Variants in GNB1 observed in about 807,000 individuals in gnomAD.
GNB1 encodes guanine nucleotide-binding protein G(I)/G(S)/G(T) subunit beta-1.
In GNB1, 2 loss-of-function variants were observed where a neutral mutation model predicts 42.9. That is an observed-to-expected ratio of 0.05 (90% CI 0.02 to 0.15). GNB1 has a LOEUF of 0.15. Among genes scored for constraint, GNB1 ranks in the 10% least tolerant of loss-of-function variants. The probability of loss-of-function intolerance (pLI) is 1.00; values close to 1 mark genes in which losing one functional copy is unlikely to be tolerated. For missense variants in GNB1, 193 were observed against 462.2 expected (o/e 0.42, Z 5.34); for synonymous variants, 183 against 174.7 (o/e 1.05, Z -0.38).
intron 1 of GNB1, among the ~76,000 whole-genome samples, chr1:1,863,651 C>G (rs962960454): frequency 3.3e-5 from 5 of 152,190 alleles, no homozygotes; most frequent in African/African-American, 1.2e-4. Flanking sequence ...CACTCTTCAT[C>G]CACAAATAGC....
chr1:1,871,502 C>T (rs1274981074), intron 1 of GNB1, among the ~76,000 whole-genome samples: 1 of 152,056 alleles, frequency 6.6e-6, no homozygotes, highest in Non-Finnish European at 1.5e-5. Context: ...CAACTGCACC[C>T]TACACTGTCA....
At chr1:1,855,275 C>T (rs1321995973) in intron 1 of GNB1, among the ~76,000 whole-genome samples, 4 of 146,964 alleles carry the variant, frequency 2.7e-5, no homozygotes, top group South Asian at 4.3e-4. Context: ...GAGCTGAGAT[C>T]GCCCCCACTG....
Position 1,860,470 on chromosome 1 carries a change from C to A in GNB1, c.-95-21232G>T, listed in dbSNP as rs921569189. On this transcript the variant is annotated intron_variant, in intron 1 of 11. Transcript: ENST00000378609. Reference sequence around the variant, plus strand: ...TAGTCAAAAAATAAATAAATAAAAACAAACAAACAAAAAAAAATTAGCCAG... The same window carrying A: ...TAGTCAAAAAATAAATAAATAAAAAAAAACAAACAAAAAAAAATTAGCCAG... 6.6e-5 allele frequency among the ~76,000 whole-genome samples: 10 copies of A among 151,788 alleles called. No homozygotes were observed. In the East Asian group the frequency reaches 7.7e-4, roughly 12 times the overall value.
chr1:1,843,251 C>T (rs1369565911), intron 1 of GNB1, among the ~76,000 whole-genome samples: 1 of 152,020 alleles, frequency 6.6e-6, no homozygotes, highest in Non-Finnish European at 1.5e-5. Flanking sequence ...ACAGGGTCAC[C>T]CTCTGTCAGC....
intron 4 of GNB1, among the ~76,000 whole-genome samples, chr1:1,816,644 C>CTTT (rs59065707): frequency 3.7e-5 from 4 of 108,636 alleles, no homozygotes; most frequent in African/African-American, 9.7e-5. Context: ...TTTTTATTAT[C>CTTT]TTTTTTTTTT....
In GNB1 at chr1:1,858,769, G is replaced by A. The variant is rs576899522; in HGVS notation, c.-95-19531C>T. Among the ~76,000 whole-genome samples, 4 of 152,334 alleles carry A rather than the reference G, an allele frequency of 2.6e-5. No individual in the cohort carries two copies. The East Asian group carries it at 7.7e-4, about 29-fold the overall frequency. On this transcript the variant is annotated intron_variant, in intron 1 of 11. Coordinates refer to ENST00000378609, the MANE Select transcript of GNB1 (RefSeq NM_002074.5). ...CTGGACACCAAGGGAGCCACAGCTCGAGGGGGTTCGTGCTCCAACAGCAGA... is the reference window on the plus strand; with the variant it reads ...CTGGACACCAAGGGAGCCACAGCTCAAGGGGGTTCGTGCTCCAACAGCAGA...
intron 1 of GNB1, among the ~76,000 whole-genome samples, chr1:1,859,241 C>T (rs750048905): frequency 3.9e-5 from 6 of 152,100 alleles, no homozygotes; most frequent in East Asian, 3.9e-4. Context: ...AGGCTGGTCT[C>T]GAATTCCTGA....
chr1:1,831,276 G>A (rs978889416), intron 2 of GNB1, among the ~76,000 whole-genome samples: 1 of 152,082 alleles, frequency 6.6e-6, no homozygotes, highest in African/African-American at 2.4e-5. Context: ...GTTCAAGGCT[G>A]CAGTGAGCTA....
intron 1 of GNB1, among the ~76,000 whole-genome samples, chr1:1,868,798 A>G (rs1649086133): frequency 6.6e-6 from 1 of 151,768 alleles, no homozygotes; most frequent in Admixed American, 6.6e-5. Flanking sequence ...AAAAAAGTGA[A>G]AAAGTTTTAG....
At chr1:1,866,274 C>T (rs368743354) in intron 1 of GNB1, among the ~76,000 whole-genome samples, 7 of 152,348 alleles carry the variant, frequency 4.6e-5, no homozygotes, top group African/African-American at 1.7e-4. Flanking sequence ...TGTTCCTTTC[C>T]TCCATTCACC....
At chr1:1,863,295 T>C (rs952170872) in intron 1 of GNB1, among the ~76,000 whole-genome samples, 1 of 152,092 alleles carries the variant, frequency 6.6e-6, no homozygotes, top group Admixed American at 6.6e-5. Flanking sequence ...AAAGAAAGTA[T>C]GTGACAACAC....
intron 1 of GNB1, among the ~76,000 whole-genome samples, chr1:1,865,315 T>A (rs372323984): frequency 8.1e-6 from 1 of 123,556 alleles, no homozygotes; most frequent in Non-Finnish European, 1.7e-5. Flanking sequence ...GGCAACACAT[T>A]GTGGCTCATG....
chr1:1,846,155 G>A (rs1169227957), intron 1 of GNB1, among the ~76,000 whole-genome samples: 1 of 151,750 alleles, frequency 6.6e-6, no homozygotes, highest in African/African-American at 2.4e-5. Flanking sequence ...AATGGTAATG[G>A]AATATACCTT....
intron 9 of GNB1, 113 bp from the exon 10 acceptor site, chr1:1,789,382 G>A (rs1646450255): frequency 2.9e-6 from 2 of 678,492 alleles, no homozygotes; most frequent in African/African-American, 3.5e-5. Context: ...AGACCAGCAA[G>A]ACTGTGCTCT....
chr1:1,874,043 T>C (rs1296218690), intron 1 of GNB1, among the ~76,000 whole-genome samples: 1 of 152,242 alleles, frequency 6.6e-6, no homozygotes, highest in East Asian at 1.9e-4. Flanking sequence ...CATTGACTTC[T>C]GATCTAGGTT....
At chr1:1,849,117 C>CA (rs1647842935) in intron 1 of GNB1, among the ~76,000 whole-genome samples, 1 of 152,152 alleles carries the variant, frequency 6.6e-6, no homozygotes, top group Non-Finnish European at 1.5e-5. Context: ...GCCCAAGTAA[C>CA]AAAGCCCCAA....
chr1:1,836,857 T>C (rs976875942), intron 2 of GNB1, among the ~76,000 whole-genome samples: 1 of 44,752 alleles, frequency 2.2e-5, no homozygotes, highest in African/African-American at 9.3e-5. Flanking sequence ...GACTGCTAAC[T>C]TTTTTTTTTT....
chr1:1,871,532 T>G (rs1020392863), intron 1 of GNB1, among the ~76,000 whole-genome samples: 1 of 151,990 alleles, frequency 6.6e-6, no homozygotes, highest in Non-Finnish European at 1.5e-5. Context: ...TCTCCGTGTC[T>G]CCTCGATCTA....
At chr1:1,858,123 C>A (rs941655971) in intron 1 of GNB1, among the ~76,000 whole-genome samples, 3 of 152,218 alleles carry the variant, frequency 2.0e-5, no homozygotes, top group Non-Finnish European at 4.4e-5. Context: ...AACACAACTG[C>A]ACAGTCACTG....
Sources: allele counts gnomAD v4.1 joint callset (sites outside exome capture counted in the v4.1 genomes callset), GRCh38; gene constraint gnomAD v4.1.1; transcripts MANE v1.5; gene names NCBI Gene and HGNC (gene_info 2026-07-23, HGNC 2026-07-21).